KIF26B: variants seen among roughly 807,000 people sequenced by gnomAD.
KIF26B encodes kinesin-like protein KIF26B.
In KIF26B, 63 loss-of-function variants were observed where a neutral mutation model predicts 151.2. The observed-to-expected ratio is 0.42, with a 90% CI of 0.34 to 0.51. The LOEUF (loss-of-function observed/expected upper bound fraction) is 0.51, where lower values mean the gene tolerates loss of function less well. Ranked by LOEUF, KIF26B falls within the 20% of genes least tolerant of loss-of-function variation. KIF26B has a pLI of 0.07. For synonymous variants in KIF26B, 1,357 were observed against 1,262.1 expected, an observed-to-expected ratio of 1.08 and a Z score of -1.59; for missense variants, 2,813 against 2,913.6, an observed-to-expected ratio of 0.97 and a Z score of 0.79.
intron 2 of KIF26B, among the ~76,000 whole-genome samples, chr1:245,265,264 G>C (rs1670725037): frequency 6.7e-6 from 1 of 148,904 alleles, no homozygotes; most frequent in African/African-American, 2.5e-5. Flanking sequence ...GCAATAAATA[G>C]TTATGACACG....
chr1:245,687,014 C>G lies in KIF26B; in HGVS notation c.4031C>G (p.Ser1344Cys). The G allele has an allele frequency of 6.2e-7, 1 of 1,613,594 alleles. No individual in the cohort carries two copies. The highest frequency in any genetic ancestry group is 8.5e-7 in the Non-Finnish European group (1 of 1,179,832). The change falls in exon 12 of 15, where the codon TCT becomes TGT. Residue 1344 changes from serine to cysteine, a missense_variant. Coordinates refer to ENST00000407071, the MANE Select transcript of KIF26B (RefSeq NM_018012.4). This position sits in a 1 kb window ranked among gnomAD's most constrained non-coding sequence, Gnocchi z 4.9. ...KASPDNLLILSEMGDDSFNKA... is the reference protein window; with the variant it reads ...KASPDNLLILCEMGDDSFNKA... ...AGCCCCGACAACTTGCTCATCCTGT[C>G]TGAGATGGGAGATGACTCTTTCAAC...
chr1:245,446,640 T>C (rs1659256581), intron 4 of KIF26B, among the ~76,000 whole-genome samples: 1 of 152,112 alleles, frequency 6.6e-6, no homozygotes, highest in Non-Finnish European at 1.5e-5. Context: ...GAACCTAGAG[T>C]GCAACCTTTA....
At chr1:245,265,892 G>A (rs189681985) in intron 2 of KIF26B, among the ~76,000 whole-genome samples, 55 of 152,274 alleles carry the variant, frequency 3.6e-4, no homozygotes, top group African/African-American at 1.3e-3. Flanking sequence ...ACAGGCATGA[G>A]CCACCCTGCC....
intron 5 of KIF26B, among the ~76,000 whole-genome samples, chr1:245,571,938 G>A (rs1229951919): frequency 1.3e-5 from 2 of 152,190 alleles, no homozygotes; most frequent in Admixed American, 1.3e-4. Context: ...TGACAGACAC[G>A]CATGGCTGGC....
intron 5 of KIF26B, among the ~76,000 whole-genome samples, chr1:245,584,555 T>C (rs2043205465): frequency 6.6e-6 from 1 of 152,202 alleles, no homozygotes; most frequent in African/African-American, 2.4e-5. Context: ...GGAAAGATGG[T>C]CCCAGAGCAA....
At chr1:245,542,499 G>T (rs1661647186) in intron 5 of KIF26B, among the ~76,000 whole-genome samples, 1 of 152,234 alleles carries the variant, frequency 6.6e-6, no homozygotes. Flanking sequence ...AGGCAGGGAA[G>T]TGGCCTGGGC....
chr1:245,421,156 G>C (rs960213036), intron 4 of KIF26B, among the ~76,000 whole-genome samples: 8 of 152,196 alleles, frequency 5.3e-5, no homozygotes, highest in African/African-American at 1.9e-4. Flanking sequence ...TCACTGGGAG[G>C]TCATGTCCAT....
At chr1:245,292,065 A>G (rs1272742970) in intron 2 of KIF26B, among the ~76,000 whole-genome samples, 2 of 152,188 alleles carry the variant, frequency 1.3e-5, no homozygotes, top group African/African-American at 4.8e-5. Context: ...CCTGGGCTGC[A>G]TAGATAATAC....
intron 10 of KIF26B, among the ~76,000 whole-genome samples, chr1:245,673,173 C>T (rs536432376): frequency 9.4e-6 from 1 of 106,866 alleles, no homozygotes; most frequent in Non-Finnish European, 1.8e-5. Context: ...AGGCCCAGTC[C>T]CCGCTGCGCG....
intron 4 of KIF26B, among the ~76,000 whole-genome samples, chr1:245,508,279 C>A (rs562842794): frequency 6.6e-6 from 1 of 152,176 alleles, no homozygotes; most frequent in Non-Finnish European, 1.5e-5. Context: ...CTCGCTCTGT[C>A]GCCCAGGCTG....
At chr1:245,361,361 G>A (rs1217787804) in intron 2 of KIF26B, among the ~76,000 whole-genome samples, 4 of 152,162 alleles carry the variant, frequency 2.6e-5, no homozygotes, top group African/African-American at 4.8e-5. Flanking sequence ...GAAAAACTGC[G>A]GTCTGACATT....
At chr1:245,267,060 G>A (rs1019978817) in intron 2 of KIF26B, among the ~76,000 whole-genome samples, 3 of 152,152 alleles carry the variant, frequency 2.0e-5, no homozygotes, top group Non-Finnish European at 4.4e-5. Context: ...AGAAAGCAAG[G>A]TTTGATTTGG....
intron 4 of KIF26B, among the ~76,000 whole-genome samples, chr1:245,518,696 TA>T (rs1291286016): frequency 6.6e-6 from 1 of 152,216 alleles, no homozygotes; most frequent in Non-Finnish European, 1.5e-5. Flanking sequence ...ATAAGCCTTC[TA>T]AAACACCAAA....
intron 2 of KIF26B, among the ~76,000 whole-genome samples, chr1:245,305,660 C>A (rs72761122): frequency 2.0e-5 from 3 of 151,976 alleles, no homozygotes; most frequent in African/African-American, 7.3e-5. Flanking sequence ...GAAATGAGGC[C>A]GGTCGCAGTG....
intron 2 of KIF26B, among the ~76,000 whole-genome samples, chr1:245,174,768 G>A (rs916846027): frequency 6.6e-6 from 1 of 152,194 alleles, no homozygotes; most frequent in Admixed American, 6.5e-5. Context: ...GGACAGAGCT[G>A]ACGTCTTCTG....
chr1:245,418,082 G>T (rs1366129937), intron 3 of KIF26B, among the ~76,000 whole-genome samples: 2 of 152,246 alleles, frequency 1.3e-5, no homozygotes, highest in Non-Finnish European at 2.9e-5. Flanking sequence ...ATGCTGTTGA[G>T]TGGGGATGAC....
chr1:245,221,918 G>A (rs1202676088), intron 2 of KIF26B, among the ~76,000 whole-genome samples: 1 of 152,226 alleles, frequency 6.6e-6, no homozygotes, highest in Non-Finnish European at 1.5e-5. Flanking sequence ...TATGGATAAT[G>A]TGAATTGGAA....
In KIF26B at chr1:245,686,995, G is replaced by C. The variant is rs775799993; in HGVS notation, c.4012G>C (p.Asp1338His). The C allele has an allele frequency of 4.3e-6, 7 of 1,613,372 alleles. No homozygotes were observed. The highest frequency in any genetic ancestry group is 2.5e-6 in the Non-Finnish European group (3 of 1,179,822). ...CAGAGAGAAGCCCAAGGCCAGCCCCGACAACTTGCTCATCCTGTCTGAGAT... is the reference window on the plus strand; with the variant it reads ...CAGAGAGAAGCCCAAGGCCAGCCCCCACAACTTGCTCATCCTGTCTGAGAT... ...VCREKPKASP[D>H]NLLILSEMGD... The change falls in exon 12 of 15, where the codon GAC becomes CAC. Residue 1338 changes from aspartate to histidine, a missense_variant. Asp to His is a moderately conservative substitution (Grantham distance 81). Coordinates refer to ENST00000407071, the MANE Select transcript of KIF26B (RefSeq NM_018012.4). This position sits in a 1 kb window ranked among gnomAD's most constrained non-coding sequence, Gnocchi z 5.6.
intron 2 of KIF26B, among the ~76,000 whole-genome samples, chr1:245,217,439 G>A (rs867763541): frequency 3.2e-4 from 47 of 148,348 alleles, no homozygotes; most frequent in African/African-American, 4.5e-4. Flanking sequence ...ATCTCGGCCC[G>A]CTGCAACCTC....
Sources: gnomAD v4.1 joint callset for allele counts (sites outside exome capture counted in the v4.1 genomes callset) on GRCh38, gnomAD v4.1.1 for gene constraint, Gnocchi (gnomAD v3.1) non-coding constraint, MANE v1.5 for transcripts, NCBI Gene and HGNC (gene_info 2026-07-23, HGNC 2026-07-21) for gene names.